The following RBM19 variants were observed in gnomAD, a reference collection of about 807,000 sequenced individuals.
RBM19 encodes the protein probable RNA-binding protein 19.
RBM19 carries 94 observed loss-of-function variants against 116.8 expected under a neutral mutation model. That is an observed-to-expected ratio of 0.80 (90% CI 0.68 to 0.95). The LOEUF (loss-of-function observed/expected upper bound fraction) is 0.95. Ranked by LOEUF, RBM19 falls within the 40% of genes least tolerant of loss-of-function variation. RBM19 has a pLI of 0.00. For missense variants in RBM19, 1,161 were observed against 1,220.7 expected, an observed-to-expected ratio of 0.95 and a Z score of 0.73; for synonymous variants, 475 against 494.1, an observed-to-expected ratio of 0.96 and a Z score of 0.51.
intron 21 of RBM19, among the ~76,000 whole-genome samples, chr12:113,895,635 G>C (rs1881268820): frequency 6.6e-6 from 1 of 152,160 alleles, no homozygotes; most frequent in Non-Finnish European, 1.5e-5. Flanking sequence ...CAAAGATCTA[G>C]AAGGAGATTC....
chr12:113,857,245 T>C (rs529056460), intron 22 of RBM19, among the ~76,000 whole-genome samples: 3 of 152,300 alleles, frequency 2.0e-5, no homozygotes, highest in East Asian at 1.9e-4. Flanking sequence ...CACGAATCCA[T>C]AGACCAAGGG....
rs1876036967 is a variant in RBM19, at chr12:113,837,246, T to TACACACAAACACACAC, written c.2785+7421_2785+7422insGTGTGTGTTTGTGTGT. 2.4e-5 allele frequency among the ~76,000 whole-genome samples: 3 copies of TACACACAAACACACAC among 126,900 alleles called. No homozygotes were observed. In the East Asian group the frequency reaches 7.7e-4, roughly 33 times the overall value. 83.3% of individuals were successfully genotyped at this position (126,900 alleles called of 152,430 possible). ...CCAGGCTTATAACCCATCCTCCTAA[T>TACACACAAACACACAC]ACACACACACACACACACACACACA... On this transcript the variant is annotated intron_variant, in intron 23 of 23. Coordinates refer to ENST00000261741, the MANE Select transcript of RBM19 (RefSeq NM_016196.4).
chr12:113,965,546 A>T (rs1318346081), intron 1 of RBM19, among the ~76,000 whole-genome samples: 1 of 152,178 alleles, frequency 6.6e-6, no homozygotes, highest in African/African-American at 2.4e-5. Flanking sequence ...AACAAAAAAC[A>T]GCGAGAGAGA....
At chr12:113,965,046 G>T (rs556418177) in intron 1 of RBM19, among the ~76,000 whole-genome samples, 11 of 151,962 alleles carry the variant, frequency 7.2e-5, no homozygotes, top group Non-Finnish European at 1.5e-4. Flanking sequence ...CCGAGGCGGT[G>T]GATCACCTGA....
chr12:113,945,859 T>C lies in RBM19; in HGVS notation c.1595A>G (p.Tyr532Cys), dbSNP rs1330258471. 6.3e-7 allele frequency: 1 copy of C among 1,585,026 alleles called. No homozygotes were observed. Among genetic ancestry groups the C allele is most frequent in the African/African-American group, 1.3e-5 (1 of 74,178 alleles). ...AAACACTTGACTCTTGGTGGCGTTG[T>C]ACTTCTGTGCGATGGCATCGGCCAC... ...NAVADAIAQK[Y>C]NATKSQVFDH... The change falls in exon 13 of 24, where the codon TAC (tyrosine) becomes TGC (cysteine). Residue 532 changes from tyrosine to cysteine, a missense_variant. Transcript: ENST00000261741.
chr12:113,935,257 G>C (rs191576606), intron 16 of RBM19, among the ~76,000 whole-genome samples: 1 of 151,836 alleles, frequency 6.6e-6, no homozygotes, highest in Non-Finnish European at 1.5e-5. Flanking sequence ...TTTCAGTGCC[G>C]CTCAGCCCTG....
intron 13 of RBM19, among the ~76,000 whole-genome samples, chr12:113,944,429 G>T (rs1870844737): frequency 6.6e-6 from 1 of 151,816 alleles, no homozygotes; most frequent in Non-Finnish European, 1.5e-5. Flanking sequence ...AAGGTATGAG[G>T]ATACAAAATA....
chr12:113,846,722 A>G lies in RBM19; in HGVS notation c.2665-1934T>C, dbSNP rs115797730. 2.8e-3 allele frequency among the ~76,000 whole-genome samples: 427 copies of G among 152,116 alleles called. 4 individuals carry two copies. Among genetic ancestry groups the G allele is most frequent in the African/African-American group, 9.8e-3 (408 of 41,490 alleles). ...TGTGAGACACATTTCTGGATTTTTAAAATGTGTTTTGAGGCAAGGTCTCGC... is the reference window on the plus strand; with the variant it reads ...TGTGAGACACATTTCTGGATTTTTAGAATGTGTTTTGAGGCAAGGTCTCGC... On this transcript the variant is annotated intron_variant, in intron 22 of 23. Coordinates refer to ENST00000261741, the MANE Select transcript of RBM19 (RefSeq NM_016196.4).
chr12:113,934,875 C>T (rs1313673106), intron 16 of RBM19, among the ~76,000 whole-genome samples: 1 of 152,248 alleles, frequency 6.6e-6, no homozygotes, highest in South Asian at 2.1e-4. Flanking sequence ...GACCCGGCCT[C>T]ATCTTTCGAA....
At chr12:113,950,445 C>T (rs1871373607) in intron 8 of RBM19, among the ~76,000 whole-genome samples, 1 of 152,180 alleles carries the variant, frequency 6.6e-6, no homozygotes, top group Non-Finnish European at 1.5e-5. Context: ...TCACCCCCAT[C>T]CCCCGACTGG....
chr12:113,947,290 T>C (rs779413377), intron 11 of RBM19, 44 bp downstream of exon 11: 15 of 1,539,634 alleles, frequency 9.7e-6, no homozygotes, highest in Admixed American at 1.8e-5. Context: ...TTCCCGACCA[T>C]GTGAGCCCCA....
intron 7 of RBM19, among the ~76,000 whole-genome samples, chr12:113,954,617 T>C (rs1349990209): frequency 6.6e-6 from 1 of 152,240 alleles, no homozygotes; most frequent in African/African-American, 2.4e-5. Flanking sequence ...TTTTGAGTTT[T>C]CTATATTGAA....
downstream of RBM19, among the ~76,000 whole-genome samples, chr12:113,818,949 G>A (rs888667817): frequency 8.5e-5 from 13 of 152,220 alleles, no homozygotes; most frequent in Non-Finnish European, 1.8e-4. Flanking sequence ...CCATCCAGGG[G>A]TGGACCCTTG....
At chr12:113,934,996 C>T (rs1869923446) in intron 16 of RBM19, among the ~76,000 whole-genome samples, 1 of 152,218 alleles carries the variant, frequency 6.6e-6, no homozygotes, top group African/African-American at 2.4e-5. Flanking sequence ...GTGAAGGAGA[C>T]AGCCCCATTC....
At chr12:113,920,572 A>G in intron 19 of RBM19, 39 bp downstream of exon 19, 2 of 1,571,336 alleles carry the variant, frequency 1.3e-6, no homozygotes, top group Non-Finnish European at 1.8e-6. Context: ...CTACCTGCCA[A>G]GTGCCTCCGT....
chr12:113,858,757 C>T, intron 22 of RBM19, 34 bp downstream of exon 22: 1 of 1,597,324 alleles, frequency 6.3e-7, no homozygotes, highest in Non-Finnish European at 8.6e-7. Context: ...AAAGGGGAGG[C>T]CTGGACAGGT....
chr12:113,834,153 C>T (rs1208876678), intron 23 of RBM19, among the ~76,000 whole-genome samples: 1 of 152,076 alleles, frequency 6.6e-6, no homozygotes, highest in Non-Finnish European at 1.5e-5. Context: ...CATCTGTCTC[C>T]CTCACTCAAA....
intron 19 of RBM19, 104 bp downstream of exon 19, chr12:113,920,507 G>A: frequency 9.4e-7 from 1 of 1,069,294 alleles, no homozygotes; most frequent in Non-Finnish European, 1.4e-6. Flanking sequence ...GCCCGGTCAA[G>A]TGTAGACTTC....
intron 21 of RBM19, among the ~76,000 whole-genome samples, chr12:113,874,292 T>G (rs1028558322): frequency 2.0e-5 from 3 of 152,258 alleles, no homozygotes; most frequent in African/African-American, 7.2e-5. Flanking sequence ...GAGTTATTAA[T>G]GGATGCTTGT....
Sources: gnomAD v4.1 joint callset for allele counts (sites outside exome capture counted in the v4.1 genomes callset) on GRCh38, gnomAD v4.1.1 for gene constraint, MANE v1.5 for transcripts, NCBI Gene and HGNC (gene_info 2026-07-23, HGNC 2026-07-21) for gene names.